The following MTUS1 variants were observed in gnomAD, a reference collection of about 807,000 sequenced individuals.
The protein encoded by MTUS1 is microtubule-associated tumor suppressor 1.
A neutral mutation model predicts 120.8 loss-of-function variants in MTUS1; 109 were observed. The ratio of observed to expected loss-of-function variants is 0.90; its 90% CI spans 0.77 to 1.06. The LOEUF (loss-of-function observed/expected upper bound fraction) is 1.06. Among genes scored for constraint, MTUS1 ranks in the 50% least tolerant of loss-of-function variants. The pLI, the probability that MTUS1 is intolerant of heterozygous loss-of-function variation, is 0.00. For missense variants in MTUS1, 2,210 were observed against 1,486.3 expected (o/e 1.49, Z -8.01); for synonymous variants, 737 against 550.5 (o/e 1.34, Z -4.74).
chr8:17,745,163 T>G (rs898007324), intron 2 of MTUS1, among the ~76,000 whole-genome samples: 4 of 152,208 alleles, frequency 2.6e-5, no homozygotes, highest in Non-Finnish European at 4.4e-5. Flanking sequence ...CACTTCCTTG[T>G]GGTATTAGCT....
chr8:17,797,334 G>A (rs948722286), intron 1 of MTUS1, among the ~76,000 whole-genome samples: 1 of 152,156 alleles, frequency 6.6e-6, no homozygotes, highest in Admixed American at 6.5e-5. Flanking sequence ...GATAGCTTGA[G>A]CCTGGGACGT....
At chr8:17,700,443 C>A (rs1207335085) in intron 6 of MTUS1, among the ~76,000 whole-genome samples, 1 of 89,094 alleles carries the variant, frequency 1.1e-5, no homozygotes, top group African/African-American at 4.2e-5. Context: ...GCACTCCAGC[C>A]TGGGCAATAA....
At chr8:17,747,430 A>C in intron 2 of MTUS1, among the ~76,000 whole-genome samples, 1 of 152,124 alleles carries the variant, frequency 6.6e-6, no homozygotes, top group Non-Finnish European at 1.5e-5. Flanking sequence ...CCAACTTAGC[A>C]ATCAACATAC....
chr8:17,659,255 C>T (rs1284571074), intron 8 of MTUS1, among the ~76,000 whole-genome samples: 2 of 152,160 alleles, frequency 1.3e-5, no homozygotes, highest in Non-Finnish European at 2.9e-5. Flanking sequence ...GGGGCCTCTA[C>T]TGGAAGAGAC....
Position 17,759,082 on chromosome 8 carries a change from T to C in MTUS1, c.-154-3121A>G, listed in dbSNP as rs576679917. Among the ~76,000 whole-genome samples, 61 of 151,550 alleles carry C rather than the reference T, an allele frequency of 4.0e-4. 1 individual carries two copies. The South Asian group carries it at 0.011, about 26-fold the overall frequency. On this transcript the variant is annotated intron_variant, in intron 1 of 14. Coordinates refer to ENST00000693296, the MANE Select transcript of MTUS1 (RefSeq NM_001363059.2). ...ATTTTTAGTAGAGATGGTGTTCCACTGTGTTAGCCAGCATGGTCTTGATCT... is the reference window on the plus strand; with the variant it reads ...ATTTTTAGTAGAGATGGTGTTCCACCGTGTTAGCCAGCATGGTCTTGATCT...
At chr8:17,676,587 G>A in intron 7 of MTUS1, 1 of 546,356 alleles carries the variant, frequency 1.8e-6, no homozygotes, top group Non-Finnish European at 3.2e-6. Context: ...TTTCATTTAT[G>A]AAAAACGAGA....
chr8:17,685,268 C>T (rs1032514560), intron 6 of MTUS1, among the ~76,000 whole-genome samples: 3 of 152,024 alleles, frequency 2.0e-5, no homozygotes, highest in Admixed American at 1.3e-4. Context: ...AAATGCCACG[C>T]TAAGTGATTA....
chr8:17,718,662 G>A (rs1240843704), intron 4 of MTUS1, among the ~76,000 whole-genome samples: 1 of 151,894 alleles, frequency 6.6e-6, no homozygotes, highest in African/African-American at 2.4e-5. Flanking sequence ...TTCTCAACCT[G>A]ATCTAATATG....
chr8:17,723,716 G>A lies in MTUS1; in HGVS notation c.2405C>T (p.Ser802Leu). The change falls in exon 4 of 15, where the codon TCA becomes TTA. Residue 802 changes from serine to leucine, a missense_variant. Physicochemically the swap from Ser to Leu is moderately radical, Grantham distance 145 (BLOSUM62 -2). Coordinates refer to ENST00000693296, the MANE Select transcript of MTUS1 (RefSeq NM_001363059.2). ...PALRRTGSTP[S>L]IASTHSELST... ...CAGCTCACTGTGGGTGCTGGCTATT[G>A]AGGGGGTGCTTCCTGTCCTCCGCAG... The A allele has an allele frequency of 6.2e-7, 1 of 1,611,070 alleles. No individual in the cohort carries two copies. The highest frequency in any genetic ancestry group is 8.5e-7 in the Non-Finnish European group (1 of 1,177,960).
intron 1 of MTUS1, among the ~76,000 whole-genome samples, chr8:17,773,920 G>C (rs1910110): frequency 1.3e-5 from 2 of 151,928 alleles, no homozygotes; most frequent in Non-Finnish European, 2.9e-5. Flanking sequence ...AGGGCCCACA[G>C]CACACTATAT....
intron 8 of MTUS1, among the ~76,000 whole-genome samples, chr8:17,664,932 G>C (rs1395199081): frequency 6.6e-6 from 1 of 152,122 alleles, no homozygotes; most frequent in Admixed American, 6.6e-5. Context: ...AAAAAGGTGG[G>C]ACCCAGACTA....
intron 6 of MTUS1, chr8:17,697,632 T>G: frequency 8.1e-7 from 1 of 1,231,066 alleles, no homozygotes; most frequent in Admixed American, 3.7e-5. Context: ...ATCTCCCTCC[T>G]GCAGGTCTAG....
At chr8:17,746,840 A>G (rs1428996021) in intron 2 of MTUS1, among the ~76,000 whole-genome samples, 1 of 152,188 alleles carries the variant, frequency 6.6e-6, no homozygotes, top group African/African-American at 2.4e-5. Context: ...ACCCCATTTT[A>G]AAGAACAAGA....
At chr8:17,707,345 T>C (rs1554497590) in intron 6 of MTUS1, among the ~76,000 whole-genome samples, 1 of 152,204 alleles carries the variant, frequency 6.6e-6, no homozygotes, top group Non-Finnish European at 1.5e-5. Flanking sequence ...CACTTTGTTG[T>C]GGTCCTCTGT....
chr8:17,739,073 T>C (rs1402931759), intron 3 of MTUS1, among the ~76,000 whole-genome samples: 1 of 151,960 alleles, frequency 6.6e-6, no homozygotes, highest in Non-Finnish European at 1.5e-5. Context: ...AGTCCAGGAA[T>C]TCAAGGCTGC....
At chr8:17,775,877 G>GA (rs2050387556) in intron 1 of MTUS1, among the ~76,000 whole-genome samples, 1 of 152,340 alleles carries the variant, frequency 6.6e-6, no homozygotes, top group East Asian at 1.9e-4. Context: ...TGAGTCGCAT[G>GA]ACTACGCAGG....
chr8:17,676,176 G>C (rs1372906172), intron 7 of MTUS1: 1 of 690,468 alleles, frequency 1.4e-6, no homozygotes, highest in Non-Finnish European at 2.6e-6. Context: ...TTGCAGGCAA[G>C]AGTTGCTTGT....
intron 2 of MTUS1, among the ~76,000 whole-genome samples, 190 bp from the exon 3 acceptor site, chr8:17,743,989 C>T (rs1178192400): frequency 6.6e-6 from 1 of 152,104 alleles, no homozygotes; most frequent in Non-Finnish European, 1.5e-5. Flanking sequence ...CACAACTGAC[C>T]AGAATTAACA....
At chr8:17,742,159 T>C (rs1050524909) in intron 3 of MTUS1, among the ~76,000 whole-genome samples, 1 of 152,052 alleles carries the variant, frequency 6.6e-6, no homozygotes, top group Non-Finnish European at 1.5e-5. Flanking sequence ...GGCATGATCA[T>C]AGCTCACTGC....
Sources: gnomAD v4.1 joint callset for allele counts (sites outside exome capture counted in the v4.1 genomes callset) on GRCh38, gnomAD v4.1.1 for gene constraint, MANE v1.5 for transcripts, NCBI Gene and HGNC (gene_info 2026-07-23, HGNC 2026-07-21) for gene names.